Variants in ARPP21 observed in about 807,000 individuals in gnomAD.
The protein encoded by ARPP21 is cAMP regulated phosphoprotein 21.
ARPP21 carries 69 observed loss-of-function variants against 113.2 expected under a neutral mutation model. The observed-to-expected ratio is 0.61, with a 90% CI of 0.50 to 0.74. ARPP21 has a LOEUF of 0.74. Ranked by LOEUF, ARPP21 falls within the 30% of genes least tolerant of loss-of-function variation. The pLI is 0.00. For missense variants in ARPP21, 1,070 were observed against 1,037.4 expected, an observed-to-expected ratio of 1.03 and a Z score of -0.43; for synonymous variants, 368 against 375.5, an observed-to-expected ratio of 0.98 and a Z score of 0.23.
intron 19 of ARPP21, among the ~76,000 whole-genome samples, chr3:35,774,507 C>G (rs936904938): frequency 6.6e-6 from 1 of 152,106 alleles, no homozygotes; most frequent in African/African-American, 2.4e-5. Flanking sequence ...CCCTCTTCTA[C>G]CCCCTTTTAA....
At chr3:35,717,157 A>G in intron 12 of ARPP21, 141 bp from the exon 13 acceptor site, 1 of 544,932 alleles carries the variant, frequency 1.8e-6, no homozygotes, top group Non-Finnish European at 3.3e-6. Flanking sequence ...GCATTAATTT[A>G]TTATGGCAAA....
At chr3:35,736,998 A>G (rs558285154) in intron 15 of ARPP21, among the ~76,000 whole-genome samples, 180 bp from the exon 16 acceptor site, 2 of 152,350 alleles carry the variant, frequency 1.3e-5, no homozygotes, top group South Asian at 2.1e-4. Context: ...ACTGTCACCT[A>G]GCTTAAGCGA....
At chr3:35,668,781 C>T (rs537783101) in intron 1 of ARPP21, among the ~76,000 whole-genome samples, 2 of 152,194 alleles carry the variant, frequency 1.3e-5, no homozygotes, top group South Asian at 2.1e-4. Flanking sequence ...TTACTTCTCT[C>T]GTCATCATGC....
chr3:35,658,153 T>G (rs1247265062), intron 1 of ARPP21, among the ~76,000 whole-genome samples: 1 of 152,086 alleles, frequency 6.6e-6, no homozygotes, highest in South Asian at 2.1e-4. Flanking sequence ...ATTCCCTTCT[T>G]GGTGAACACA....
chr3:35,741,927 T>A (rs2150822237), intron 18 of ARPP21, among the ~76,000 whole-genome samples: 1 of 152,282 alleles, frequency 6.6e-6, no homozygotes, highest in East Asian at 1.9e-4. Context: ...AAGCGCCACC[T>A]TGGAGTGGCG....
At chr3:35,692,742 G>A (rs1445926429) in intron 9 of ARPP21, among the ~76,000 whole-genome samples, 2 of 151,454 alleles carry the variant, frequency 1.3e-5, no homozygotes, top group Admixed American at 6.6e-5. Flanking sequence ...TGATCTGCCC[G>A]GTATGGTAGC....
At chr3:35,707,181 T>A in intron 10 of ARPP21, 99 bp downstream of exon 10, 3 of 859,180 alleles carry the variant, frequency 3.5e-6, no homozygotes, top group Non-Finnish European at 5.7e-6. Flanking sequence ...TTCCCTCCAA[T>A]CCTCCCCTGC....
chr3:35,793,100 A>G (rs2096778893), intron 20 of ARPP21, among the ~76,000 whole-genome samples: 1 of 152,184 alleles, frequency 6.6e-6, no homozygotes, highest in Admixed American at 6.5e-5. Context: ...TGGTATAATA[A>G]TTAAATTTAA....
intron 16 of ARPP21, among the ~76,000 whole-genome samples, chr3:35,737,590 G>T (rs2278758): frequency 6.6e-6 from 1 of 152,192 alleles, no homozygotes; most frequent in Non-Finnish European, 1.5e-5. Context: ...AGGCATGAAA[G>T]TAGGGAGAAT....
chr3:35,694,331 C>T (rs574630290), intron 9 of ARPP21, among the ~76,000 whole-genome samples: 1 of 151,554 alleles, frequency 6.6e-6, no homozygotes, highest in Admixed American at 6.6e-5. Context: ...ATGAAAACAA[C>T]TTGTCTCAGG....
intron 1 of ARPP21, chr3:35,651,564 G>T (rs73825892): frequency 6.6e-6 from 1 of 151,956 alleles, no homozygotes; most frequent in East Asian, 1.9e-4. Context: ...AAGAATAGTT[G>T]GTTAAGAAAA....
intron 19 of ARPP21, among the ~76,000 whole-genome samples, chr3:35,771,006 G>A (rs2096180364): frequency 6.6e-6 from 1 of 152,204 alleles, no homozygotes; most frequent in African/African-American, 2.4e-5. Context: ...GGGTCATCCA[G>A]TACTCTCATT....
At chr3:35,716,105 T>A (rs2092357388) in intron 12 of ARPP21, among the ~76,000 whole-genome samples, 1 of 152,046 alleles carries the variant, frequency 6.6e-6, no homozygotes, top group Non-Finnish European at 1.5e-5. Flanking sequence ...AGCAAAAATT[T>A]TTCAAACTTA....
At chr3:35,677,832 G>T (rs1284780140) in intron 1 of ARPP21, among the ~76,000 whole-genome samples, 1 of 151,960 alleles carries the variant, frequency 6.6e-6, no homozygotes, top group African/African-American at 2.4e-5. Flanking sequence ...GGTTAGTCTG[G>T]TGAGCAGAAA....
At chr3:35,715,564 T>TTCAAGCACACACATATATGG in intron 12 of ARPP21, 88 bp downstream of exon 12, 2 of 1,050,808 alleles carry the variant, frequency 1.9e-6, no homozygotes, top group Non-Finnish European at 2.9e-6. Flanking sequence ...ATCCCATATA[T>TTCAAGCACACACATATATGG]GTGTGTGCTT....
chr3:35,770,619 T>C (rs1378477), intron 19 of ARPP21, among the ~76,000 whole-genome samples: 37,524 of 152,144 alleles, frequency 0.25, 4,824 homozygotes, highest in Non-Finnish European at 0.27. Context: ...TGAGTTTTCA[T>C]TGGTGGGCAG....
In ARPP21 at chr3:35,640,166, C is replaced by G. The variant is rs1014786402; in HGVS notation, c.-445C>G. On this transcript the variant is annotated 5_prime_UTR_variant, in exon 1 of 21. The change creates a new upstream start codon in the 5' untranslated region. Coordinates refer to ENST00000684406, the MANE Select transcript of ARPP21 (RefSeq NM_001385562.1). Reference sequence around the variant, plus strand: ...CCTGGCTGCCACAGCTGTGTGGGATCCCAGCCGACACTGCAGAAAGCTCCT... The same window carrying G: ...CCTGGCTGCCACAGCTGTGTGGGATGCCAGCCGACACTGCAGAAAGCTCCT... The G allele has an allele frequency of 6.6e-6, 1 of 152,282 alleles. No homozygotes were observed. Among genetic ancestry groups the G allele is most frequent in the Non-Finnish European group, 1.5e-5 (1 of 68,118 alleles). The allele number at this position is 152,282 out of a possible 1,614,324, so 9.4% of individuals were successfully genotyped here.
chr3:35,646,935 T>C (rs1211294000), intron 1 of ARPP21, among the ~76,000 whole-genome samples: 3 of 152,156 alleles, frequency 2.0e-5, no homozygotes, highest in Admixed American at 6.5e-5. Context: ...CCCGTGTCAT[T>C]TAACTTTGGT....
chr3:35,687,706 T>C (rs755103953), intron 5 of ARPP21, 33 bp from the exon 6 acceptor site: 3 of 1,584,068 alleles, frequency 1.9e-6, no homozygotes, highest in Admixed American at 3.7e-5. Flanking sequence ...TGATTAAACC[T>C]GGCCCTAAAT....
Sources: gnomAD v4.1 joint callset for allele counts (sites outside exome capture counted in the v4.1 genomes callset) on GRCh38, gnomAD v4.1.1 for gene constraint, MANE v1.5 for transcripts, NCBI Gene and HGNC (gene_info 2026-07-23, HGNC 2026-07-21) for gene names.